DPY19L1: variants seen among roughly 807,000 people sequenced by gnomAD.
The protein encoded by DPY19L1 is dpy-19 like C-mannosyltransferase 1.
A neutral mutation model predicts 96.9 loss-of-function variants in DPY19L1; 35 were observed. The ratio of observed to expected loss-of-function variants is 0.36; its 90% CI spans 0.28 to 0.48. The LOEUF (loss-of-function observed/expected upper bound fraction) is 0.48, where lower values mean the gene tolerates loss of function less well. DPY19L1 is among the 20% of genes least tolerant of loss of function. The pLI, the probability that DPY19L1 is intolerant of heterozygous loss-of-function variation, is 0.99. For missense variants in DPY19L1, 521 were observed against 777.9 expected (o/e 0.67, Z 3.93); for synonymous variants, 205 against 252.6 (o/e 0.81, Z 1.79).
rs1785706324 is a variant in DPY19L1, at chr7:35,011,343, A to C, written c.657T>G (p.Ile219Met). The C allele has an allele frequency of 6.2e-7, 1 of 1,612,838 alleles. No homozygotes were observed. The highest frequency in any genetic ancestry group is 8.5e-7 in the Non-Finnish European group (1 of 1,179,792). ...TVTRGEGLSP[I>M]ESCEGLGDPA... The stretch of plus-strand genomic sequence containing the variant: ...AAAGAAACTTACCTTCACAGCTTTC[A>C]ATAGGACTGAGTCCTTCTCCTCTGG... Residue 219 changes from isoleucine (I) to methionine (M), a missense_variant, in exon 5 of 22, where the codon ATT (isoleucine) becomes ATG (methionine). Transcript: ENST00000638088.
intron 21 of DPY19L1, among the ~76,000 whole-genome samples, chr7:34,933,872 G>T (rs1160859161): frequency 6.7e-6 from 1 of 148,524 alleles, no homozygotes; most frequent in Non-Finnish European, 1.5e-5. Flanking sequence ...TGGCTTCTTT[G>T]TTCCTCAGCT....
intron 11 of DPY19L1, 53 bp downstream of exon 11, chr7:34,957,931 T>C (rs779917279): frequency 6.6e-6 from 8 of 1,220,824 alleles, no homozygotes; most frequent in African/African-American, 4.6e-5. Context: ...GAAGAAAAAA[T>C]TGTTAAACCA....
chr7:35,034,648 G>A lies in DPY19L1; in HGVS notation c.298+2449C>T, dbSNP rs73110573. ...TTGGAAGGCAGTGAGTTCCTCATCA[G>A]TGATTAGAACCTATGGAGGAAAGCC... is the stretch of plus-strand genomic sequence containing the variant. On this transcript the variant is annotated intron_variant, in intron 1 of 21. Transcript: ENST00000638088. 1.0e-2 allele frequency among the ~76,000 whole-genome samples: 1,519 copies of A among 152,324 alleles called. 12 individuals are homozygous for A. The highest frequency in any genetic ancestry group is 0.017 in the Non-Finnish European group (1,164 of 68,036).
intron 21 of DPY19L1, among the ~76,000 whole-genome samples, chr7:34,937,755 A>C (rs1231281722): frequency 6.6e-6 from 1 of 152,116 alleles, no homozygotes; most frequent in African/African-American, 2.4e-5. Flanking sequence ...TCAACACAGC[A>C]AAACCCCATC....
At chr7:34,998,266 CAAT>C (rs1785338620) in intron 6 of DPY19L1, among the ~76,000 whole-genome samples, 1 of 152,042 alleles carries the variant, frequency 6.6e-6, no homozygotes, top group Non-Finnish European at 1.5e-5. Flanking sequence ...AGCTCAGAAA[CAAT>C]GAAGAACTGG....
chr7:35,030,134 T>C (rs1421524873), intron 1 of DPY19L1, among the ~76,000 whole-genome samples: 1 of 152,188 alleles, frequency 6.6e-6, no homozygotes, highest in African/African-American at 2.4e-5. Flanking sequence ...ACATAAGAAC[T>C]TTATGATTAA....
intron 6 of DPY19L1, among the ~76,000 whole-genome samples, chr7:34,996,743 T>C (rs1008616009): frequency 2.6e-5 from 4 of 152,038 alleles, no homozygotes; most frequent in Non-Finnish European, 4.4e-5. Flanking sequence ...CACCAAAACA[T>C]ATCCGAAATG....
intron 14 of DPY19L1, among the ~76,000 whole-genome samples, chr7:34,949,451 T>C (rs1453442333): frequency 1.3e-5 from 2 of 152,182 alleles, no homozygotes; most frequent in Non-Finnish European, 2.9e-5. Context: ...AAAGCAAATA[T>C]CTATTTAAAT....
intron 7 of DPY19L1, among the ~76,000 whole-genome samples, chr7:34,988,486 A>G (rs1429555257): frequency 6.6e-6 from 1 of 151,620 alleles, no homozygotes; most frequent in East Asian, 1.9e-4. Context: ...TGTTGCAACC[A>G]CTTGTCAATT....
At chr7:34,988,264 C>T (rs1785092364) in intron 7 of DPY19L1, 1 of 152,006 alleles carries the variant, frequency 6.6e-6, no homozygotes, top group Non-Finnish European at 1.5e-5. Context: ...TTTTGAATAA[C>T]CTCTTTCCTC....
At chr7:34,991,210 C>T (rs999660904) in intron 6 of DPY19L1, among the ~76,000 whole-genome samples, 5 of 152,236 alleles carry the variant, frequency 3.3e-5, no homozygotes, top group African/African-American at 4.8e-5. Flanking sequence ...TGAAATACCA[C>T]TCACATTTCA....
intron 6 of DPY19L1, among the ~76,000 whole-genome samples, chr7:35,006,887 C>T (rs1346579358): frequency 6.6e-6 from 1 of 152,204 alleles, no homozygotes; most frequent in East Asian, 1.9e-4. Context: ...TAAAATGTCA[C>T]AGTCAATCTG....
intron 6 of DPY19L1, among the ~76,000 whole-genome samples, chr7:35,002,434 G>A (rs968217754): frequency 6.6e-6 from 1 of 151,096 alleles, no homozygotes; most frequent in Non-Finnish European, 1.5e-5. Flanking sequence ...AAAATGGGGG[G>A]AAAAAAAAGA....
intron 6 of DPY19L1, among the ~76,000 whole-genome samples, chr7:35,006,977 AAAC>A (rs1785574769): frequency 6.6e-6 from 1 of 152,176 alleles, no homozygotes; most frequent in Admixed American, 6.5e-5. Flanking sequence ...TTAATCCTAA[AAAC>A]AACTTTAGAT....
At chr7:35,025,120 CG>C (rs1350247610) in intron 1 of DPY19L1, among the ~76,000 whole-genome samples, 1 of 152,024 alleles carries the variant, frequency 6.6e-6, no homozygotes, top group Non-Finnish European at 1.5e-5. Context: ...TTCTGTATAG[CG>C]AACAAATGAA....
intron 9 of DPY19L1, among the ~76,000 whole-genome samples, chr7:34,967,530 C>A (rs947160589): frequency 5.9e-5 from 9 of 152,030 alleles, no homozygotes; most frequent in African/African-American, 2.2e-4. Context: ...GTATTTTTAA[C>A]TTTCTTTTCC....
intron 10 of DPY19L1, among the ~76,000 whole-genome samples, chr7:34,959,928 TA>T (rs1436544677): frequency 3.4e-4 from 7 of 20,620 alleles, no homozygotes; most frequent in African/African-American, 1.8e-3. Context: ...TATATATTTA[TA>T]TATATATATA....
rs1785130716 is a variant in DPY19L1 at position 34,989,881 on chromosome 7, TA to T, written c.822+2del. The T allele has an allele frequency of 6.3e-7, 1 of 1,589,534 alleles. No individual in the cohort carries two copies. The highest frequency in any genetic ancestry group is 1.4e-5 in the African/African-American group (1 of 73,560). ...ATTCTGAGAATAGTTTTTGATTACC[TA>T]CCTCTCCATGATTGAAAAAGAAGCA... is the stretch of plus-strand genomic sequence containing the variant. On this transcript the variant is annotated splice_donor_variant, in intron 7 of 21. Transcript: ENST00000638088. LOFTEE classifies it high-confidence loss of function.
intron 6 of DPY19L1, among the ~76,000 whole-genome samples, chr7:35,001,134 T>C (rs373691804): frequency 1.3e-5 from 2 of 152,208 alleles, no homozygotes; most frequent in Non-Finnish European, 2.9e-5. Context: ...TTTCTGATAG[T>C]AAAGAGTTTA....
Sources: gnomAD v4.1 joint callset for allele counts (sites outside exome capture counted in the v4.1 genomes callset) on GRCh38, gnomAD v4.1.1 for gene constraint, MANE v1.5 for transcripts, NCBI Gene and HGNC (gene_info 2026-07-23, HGNC 2026-07-21) for gene names.